ZNF71: variants seen among roughly 807,000 people sequenced by gnomAD.
ZNF71 encodes zinc finger protein 71.
In ZNF71, 3 loss-of-function variants were observed where a neutral mutation model predicts 6.7. That is an observed-to-expected ratio of 0.45 (90% confidence interval 0.20 to 1.16). ZNF71 has a LOEUF of 1.16. Ranked by LOEUF, ZNF71 falls within the 50% of genes most tolerant of loss-of-function variation. The pLI, the probability that ZNF71 is intolerant of heterozygous loss-of-function variation, is 0.25. For synonymous variants in ZNF71, 343 were observed against 311.1 expected (o/e 1.10, Z -1.08); for missense variants, 688 against 728.6 (o/e 0.94, Z 0.64).
Position 56,621,375 on chromosome 19 carries a change from G to C in ZNF71, c.268G>C (p.Ala90Pro). The C allele has an allele frequency of 6.2e-7, 1 of 1,601,430 alleles. No individual in the cohort carries two copies. The highest frequency in any genetic ancestry group is 8.5e-7 in the Non-Finnish European group (1 of 1,172,776). Residue 90 changes from alanine to proline, a missense_variant, in exon 4 of 4, where the codon GCC (alanine) becomes CCC (proline). Transcript: ENST00000599599. Reference protein sequence around the residue: ...EATGGPTRNGARGPGSEGVWE... With the variant: ...EATGGPTRNGPRGPGSEGVWE... ...CACGGGGGGACCCACGAGGAATGGT[G>C]CCAGGGGTCCTGGCTCAGAAGGAGT...
In ZNF71 at chr19:56,623,483, C is replaced by T. The variant is rs1389134518; in HGVS notation, c.*726C>T. 1.2e-5 allele frequency: 2 copies of T among 166,958 alleles called. No homozygotes were observed. The highest frequency in any genetic ancestry group is 2.9e-5 in the Non-Finnish European group (2 of 68,100). The allele number at this position is 166,958 out of a possible 1,614,324, so 10.3% of individuals were successfully genotyped here. ...TTTTGGCCAGTTGTCTGGTCAAAAT[C>T]GGCTTCAGTGATTGTGGGAGGGGCA... On this transcript the variant is annotated 3_prime_UTR_variant, in exon 4 of 4. Coordinates refer to ENST00000599599, the MANE Select transcript of ZNF71 (RefSeq NM_001370215.1).
Position 56,613,328 on chromosome 19 carries a change from A to G in ZNF71, c.34-484A>G, listed in dbSNP as rs954377715. On this transcript the variant is annotated intron_variant, in intron 2 of 3. Coordinates refer to ENST00000599599, the MANE Select transcript of ZNF71 (RefSeq NM_001370215.1). This position sits in a 1 kb window ranked among gnomAD's most constrained non-coding sequence, Gnocchi z 4.6. ...GGAGACCTTTGTTCATACCTTCATGATTGATTGCGTTTACCAAATTACGTG... is the reference window on the plus strand; with the variant it reads ...GGAGACCTTTGTTCATACCTTCATGGTTGATTGCGTTTACCAAATTACGTG... 2.0e-5 allele frequency among the ~76,000 whole-genome samples: 3 copies of G among 152,182 alleles called. No homozygotes were observed. Among genetic ancestry groups the G allele is most frequent in the Non-Finnish European group, 4.4e-5 (3 of 68,032 alleles).
At chr19:56,612,830 T>C (rs1376199770) in intron 2 of ZNF71, among the ~76,000 whole-genome samples, 1 of 152,314 alleles carries the variant, frequency 6.6e-6, no homozygotes, top group African/African-American at 2.4e-5. Flanking sequence ...ACCAGTCCTG[T>C]TGGATTAGGG....
At chr19:56,605,744 T>C (rs918301651) in intron 2 of ZNF71, among the ~76,000 whole-genome samples, 16 of 152,208 alleles carry the variant, frequency 1.1e-4, no homozygotes, top group African/African-American at 3.9e-4. Context: ...TGGAAGTGGC[T>C]TCAGGATCGC....
At chr19:56,611,814 A>G (rs768255315) in intron 2 of ZNF71, among the ~76,000 whole-genome samples, 10 of 152,192 alleles carry the variant, frequency 6.6e-5, no homozygotes, top group Non-Finnish European at 1.3e-4. Flanking sequence ...TGATCAAAGT[A>G]TCCACAGGAC....
chr19:56,622,252 G>A lies in ZNF71; in HGVS notation c.1145G>A (p.Gly382Asp), dbSNP rs2044862206. 6.2e-7 allele frequency: 1 copy of A among 1,608,814 alleles called. No individual in the cohort carries two copies. Among genetic ancestry groups the A allele is most frequent in the Admixed American group, 1.7e-5 (1 of 59,944 alleles). The change falls in exon 4 of 4, where the codon GGC becomes GAC. Residue 382 changes from glycine to aspartate, a missense_variant. By Grantham distance (94) the Gly-to-Asp change is moderately conservative. Transcript: ENST00000599599. ...ACCCTGCACCAGAGGAACCACACCG[G>A]CGAGAAGCCCTACGTGTGCGGCGAG... ...SLTLHQRNHT[G>D]EKPYVCGECG...
chr19:56,617,283 G>C (rs1181305739), intron 3 of ZNF71, among the ~76,000 whole-genome samples: 2 of 152,004 alleles, frequency 1.3e-5, no homozygotes, highest in Non-Finnish European at 2.9e-5. Context: ...GCTAATTCTT[G>C]TATTTTTAGT....
chr19:56,607,512 C>A (rs1274096892), intron 2 of ZNF71, among the ~76,000 whole-genome samples: 2 of 152,086 alleles, frequency 1.3e-5, no homozygotes, highest in African/African-American at 2.4e-5. Context: ...TCACAACCCC[C>A]CATGACGTAG....
intron 1 of ZNF71, among the ~76,000 whole-genome samples, chr19:56,595,636 A>G (rs1169656067): frequency 2.6e-5 from 4 of 152,030 alleles, no homozygotes; most frequent in Admixed American, 2.6e-4. Context: ...GGTTGGAGGT[A>G]GGAAAGTTGC....
rs74669105 is a variant in ZNF71, at chr19:56,603,783, GT to G, written c.33+2206del. On this transcript the variant is annotated intron_variant, in intron 2 of 3. Transcript: ENST00000599599. The surrounding 1 kb of genome is among the most constrained non-coding windows in gnomAD (Gnocchi z 4.6). ...AACAGGGTTGGGAGTTTTGGTTTAA[GT>G]TTTTTTTTTTTTTAATTACTACTAG... Among the ~76,000 whole-genome samples the G allele has an allele frequency of 0.14, 20,237 of 142,062 alleles. 1,679 individuals carry two copies. Among genetic ancestry groups the G allele is most frequent in the East Asian group, 0.32 (1,617 of 5,052 alleles). 93.2% of individuals were successfully genotyped at this position (142,062 alleles called of 152,430 possible). A position where few individuals can be genotyped will look rare whatever the true frequency, so the allele number is the denominator to read the frequency against.
intron 2 of ZNF71, among the ~76,000 whole-genome samples, chr19:56,608,453 T>C (rs1453779420): frequency 6.6e-6 from 1 of 152,260 alleles, no homozygotes; most frequent in Non-Finnish European, 1.5e-5. Flanking sequence ...AGAATTTTTT[T>C]TTTTTAAAGG....
At chr19:56,596,900 G>A (rs1169494621) in intron 1 of ZNF71, among the ~76,000 whole-genome samples, 1 of 152,162 alleles carries the variant, frequency 6.6e-6, no homozygotes, top group Non-Finnish European at 1.5e-5. Flanking sequence ...ATGGAAGAAA[G>A]GAAGGAAATG....
rs1232591812 is a variant in ZNF71 at position 56,621,395 on chromosome 19, A to AG, written c.290dup (p.Val98SerfsTer40). ...ATGGTGCCAGGGGTCCTGGCTCAGAAGGAGTGTGGGAACCAGGCAGCTGGC... is the reference window on the plus strand; with the variant it reads ...ATGGTGCCAGGGGTCCTGGCTCAGAAGGGAGTGTGGGAACCAGGCAGCTGGC... On this transcript the variant is annotated frameshift_variant, in exon 4 of 4. Transcript: ENST00000599599. LOFTEE classifies it low-confidence loss of function (END_TRUNC). 2 of 1,610,626 alleles carry AG rather than the reference A, an allele frequency of 1.2e-6. No homozygotes were observed. Among genetic ancestry groups the AG allele is most frequent in the Admixed American group, 3.3e-5 (2 of 59,804 alleles).
intron 3 of ZNF71, among the ~76,000 whole-genome samples, chr19:56,617,112 G>GTTTTTTTTTTTTTTTTTTTTTT (rs748784485): frequency 2.1e-5 from 3 of 140,698 alleles, no homozygotes; most frequent in Non-Finnish European, 1.5e-5. Context: ...ATTTTCTTTT[G>GTTTTTTTTTTTTTTTTTTTTTT]TTTTTTTTTG....
chr19:56,602,258 A>C (rs2044676344), intron 2 of ZNF71, among the ~76,000 whole-genome samples: 1 of 152,220 alleles, frequency 6.6e-6, no homozygotes, highest in South Asian at 2.1e-4. Flanking sequence ...GGTTATAAAC[A>C]GTGTCATGAG....
At chr19:56,612,928 C>T (rs1420108180) in intron 2 of ZNF71, among the ~76,000 whole-genome samples, 1 of 152,130 alleles carries the variant, frequency 6.6e-6, no homozygotes, top group African/African-American at 2.4e-5. Flanking sequence ...TTCTTGAGAC[C>T]TTGAAGGTTG....
Position 56,607,160 on chromosome 19 carries a change from C to T in ZNF71, c.33+5569C>T, listed in dbSNP as rs750082718. 4.4e-4 allele frequency among the ~76,000 whole-genome samples: 67 copies of T among 152,080 alleles called. 1 individual carries two copies. Among genetic ancestry groups the T allele is most frequent in the African/African-American group, 1.9e-4 (8 of 41,386 alleles). ...AATTCTAGATCAATGGTATCTAATA[C>T]GTATTCTGATATATTCTAAATATGT... On this transcript the variant is annotated intron_variant, in intron 2 of 3. Transcript: ENST00000599599.
chr19:56,615,008 C>A (rs1228243269), intron 3 of ZNF71, among the ~76,000 whole-genome samples: 1 of 151,588 alleles, frequency 6.6e-6, no homozygotes, highest in East Asian at 1.9e-4. Context: ...TTTGGTCTGG[C>A]TTTTTTTGGT....
At chr19:56,612,612 T>C (rs557946080) in intron 2 of ZNF71, among the ~76,000 whole-genome samples, 13 of 152,242 alleles carry the variant, frequency 8.5e-5, no homozygotes, top group East Asian at 1.9e-4. Context: ...TAATAGACTT[T>C]GGAAACTCAG....
Sources: allele counts gnomAD v4.1 joint callset (sites outside exome capture counted in the v4.1 genomes callset), GRCh38; gene constraint gnomAD v4.1.1; non-coding constraint Gnocchi (gnomAD v3.1); transcripts MANE v1.5; gene names NCBI Gene and HGNC (gene_info 2026-07-23, HGNC 2026-07-21).